Variants in CAMSAP1 observed in about 807,000 individuals in gnomAD.
CAMSAP1 encodes the protein calmodulin-regulated spectrin-associated protein 1.
Under a neutral mutation model 143.5 loss-of-function variants are expected in CAMSAP1, and 58 were observed. The observed-to-expected ratio is 0.40, with a 90% CI of 0.33 to 0.50. The LOEUF is 0.50. Ranked by LOEUF, CAMSAP1 falls within the 20% of genes least tolerant of loss-of-function variation. The pLI, the probability that CAMSAP1 is intolerant of heterozygous loss-of-function variation, is 0.45. For synonymous variants in CAMSAP1, 945 were observed against 859.3 expected, an observed-to-expected ratio of 1.10 and a Z score of -1.74; for missense variants, 1,969 against 2,115.7, an observed-to-expected ratio of 0.93 and a Z score of 1.36.
intron 7 of CAMSAP1, among the ~76,000 whole-genome samples, chr9:135,846,206 G>A (rs1420471373): frequency 6.6e-6 from 1 of 151,758 alleles, no homozygotes; most frequent in East Asian, 1.9e-4. Flanking sequence ...GAACAGAACA[G>A]AGGCCTCAGA....
chr9:135,817,904 T>G, intron 14 of CAMSAP1, 73 bp downstream of exon 14: 1 of 1,183,092 alleles, frequency 8.5e-7, no homozygotes, highest in South Asian at 1.3e-5. Flanking sequence ...TCACCGTGTT[T>G]AATCAGGAAG....
intron 3 of CAMSAP1, among the ~76,000 whole-genome samples, chr9:135,877,914 C>T (rs759094208): frequency 1.3e-5 from 2 of 152,174 alleles, no homozygotes; most frequent in Admixed American, 6.5e-5. Context: ...AACTTCAGAG[C>T]ACCCGGGAAG....
chr9:135,862,234 G>A (rs549024364), intron 5 of CAMSAP1, among the ~76,000 whole-genome samples: 5 of 150,852 alleles, frequency 3.3e-5, no homozygotes, highest in East Asian at 3.9e-4. Context: ...CCACAGGCGT[G>A]TGCCACCACA....
chr9:135,883,147 A>G, intron 1 of CAMSAP1, 69 bp from the exon 2 acceptor site: 2 of 1,501,780 alleles, frequency 1.3e-6, no homozygotes, highest in Admixed American at 2.0e-5. Flanking sequence ...TCAAGGCTGC[A>G]GTGAACTATG....
At chr9:135,830,582 G>A (rs1835825024) in intron 7 of CAMSAP1, among the ~76,000 whole-genome samples, 1 of 152,164 alleles carries the variant, frequency 6.6e-6, no homozygotes, top group African/African-American at 2.4e-5. Context: ...TACAGTAATA[G>A]CAGAAGGCTT....
chr9:135,817,751 A>AT, intron 14 of CAMSAP1: 3 of 513,392 alleles, frequency 5.8e-6, no homozygotes, highest in South Asian at 2.1e-5. Flanking sequence ...GGGGTGGGGG[A>AT]CAGGGGAGGG....
chr9:135,817,873 T>C, intron 14 of CAMSAP1, 104 bp downstream of exon 14: 2 of 844,550 alleles, frequency 2.4e-6, no homozygotes, highest in Non-Finnish European at 1.9e-6. Flanking sequence ...TATATCAAAA[T>C]TAAAGTTACA....
At chr9:135,827,669 A>G (rs1019709026) in intron 7 of CAMSAP1, 85 bp from the exon 8 acceptor site, 2 of 1,277,166 alleles carry the variant, frequency 1.6e-6, no homozygotes, top group Non-Finnish European at 2.0e-6. Flanking sequence ...ATAAGCACTA[A>G]CTCAACCTTT....
At chr9:135,897,934 T>G (rs775536698) in intron 1 of CAMSAP1, among the ~76,000 whole-genome samples, 1 of 152,148 alleles carries the variant, frequency 6.6e-6, no homozygotes, top group Admixed American at 6.6e-5. Context: ...GTCAAAGAAG[T>G]AGTTATCAAA....
intron 10 of CAMSAP1, 93 bp downstream of exon 10, chr9:135,823,857 G>T: frequency 2.1e-6 from 2 of 954,390 alleles, no homozygotes; most frequent in Non-Finnish European, 3.3e-6. Flanking sequence ...AAAGGGTCTC[G>T]GTGATCCTCA....
At chr9:135,827,869 C>T (rs1192088249) in intron 7 of CAMSAP1, among the ~76,000 whole-genome samples, 6 of 152,224 alleles carry the variant, frequency 3.9e-5, no homozygotes, top group African/African-American at 1.2e-4. Context: ...GTCTAGCACC[C>T]GCACAAAAGC....
intron 1 of CAMSAP1, among the ~76,000 whole-genome samples, chr9:135,884,029 CG>C (rs1316089207): frequency 6.6e-6 from 1 of 152,212 alleles, no homozygotes; most frequent in African/African-American, 2.4e-5. Context: ...AAGACATCAA[CG>C]GCTGTCCCAC....
intron 3 of CAMSAP1, among the ~76,000 whole-genome samples, chr9:135,874,233 G>A (rs1837658252): frequency 6.6e-6 from 1 of 152,112 alleles, no homozygotes; most frequent in Non-Finnish European, 1.5e-5. Flanking sequence ...CCAGGCGTCG[G>A]AGGCCAAGGC....
intron 1 of CAMSAP1, among the ~76,000 whole-genome samples, chr9:135,892,867 A>AAAAAAAAAAAAAAAAAAAAAAAAAG: frequency 6.8e-6 from 1 of 147,750 alleles, no homozygotes; most frequent in African/African-American, 2.5e-5. Flanking sequence ...AAAAAAAAAA[A>AAAAAAAAAAAAAAAAAAAAAAAAAG]GAACTAATCA....
At position 135,821,001 on chromosome 9, in the gene CAMSAP1, G is replaced by A. The variant is rs376072434; in HGVS notation, c.3660C>T (p.Ser1220=). The A allele has an allele frequency of 4.3e-5, 69 of 1,612,354 alleles. 1 individual carries two copies. The highest frequency in any genetic ancestry group is 3.1e-4 in the South Asian group (28 of 91,000). Residue 1220 remains serine (S), a synonymous_variant, in exon 11 of 17, where the codon AGC becomes AGT. Transcript: ENST00000389532. This position sits in a 1 kb window ranked among gnomAD's most constrained non-coding sequence, Gnocchi z 4.6. ...SSSSDVSGKE[S]VPVEEPLRSR... is the part of the protein sequence containing the mutation. ...TCCTCAGAGGCTCCTCCACGGGGACGCTCTCTTTTCCCGAGACATCTGAGG... is the reference window on the plus strand; with the variant it reads ...TCCTCAGAGGCTCCTCCACGGGGACACTCTCTTTTCCCGAGACATCTGAGG...
intron 1 of CAMSAP1, among the ~76,000 whole-genome samples, chr9:135,899,247 T>C (rs1027169393): frequency 2.6e-5 from 4 of 152,052 alleles, no homozygotes; most frequent in African/African-American, 9.7e-5. Flanking sequence ...TTAAAACATG[T>C]GTGCTTTACC....
intron 3 of CAMSAP1, among the ~76,000 whole-genome samples, chr9:135,867,463 A>C (rs1837417119): frequency 6.7e-6 from 1 of 148,220 alleles, no homozygotes. Context: ...TAGGCAACAC[A>C]GCAAGACCCC....
Position 135,821,129 on chromosome 9 carries a change from G to A in CAMSAP1, c.3532C>T (p.Arg1178Trp), listed in dbSNP as rs537634737. ...TTGGAAGAGGACAGAGTAAGTGTCC[G>A]CTGATTGCTTTCATCATGGAGCCTG... ...SYRLHDESNQ[R>W]TLTLSSSKDA... Residue 1178 changes from arginine (R) to tryptophan (W), a missense_variant, in exon 11 of 17, where the codon CGG (arginine) becomes TGG (tryptophan). Physicochemically the swap from Arg to Trp is moderately radical, Grantham distance 101. Transcript: ENST00000389532. The surrounding 1 kb of genome is among the most constrained non-coding windows in gnomAD (Gnocchi z 4.6). The A allele has an allele frequency of 1.6e-5, 26 of 1,613,160 alleles. No homozygotes were observed. Among genetic ancestry groups the A allele is most frequent in the East Asian group, 1.1e-4 (5 of 44,890 alleles).
At position 135,823,135 on chromosome 9, in the gene CAMSAP1, A is replaced by C. The variant is rs1835547106; in HGVS notation, c.1526T>G (p.Val509Gly). 1 of 1,613,596 alleles carries C rather than the reference A, an allele frequency of 6.2e-7. No individual in the cohort carries two copies. ...TGGCTGGTTCTGTGGGGTCAGATTA[A>C]CAATGTTGGATGCCAAACTGTCTTT... ...ISKDSLASNI[V>G]NLTPQNQPHP... The change falls in exon 11 of 17, where the codon GTT (valine) becomes GGT (glycine). Residue 509 changes from valine (V) to glycine (G), a missense_variant. Physicochemically the swap from Val to Gly is moderately radical, Grantham distance 109 (BLOSUM62 -3). This residue lies in a region of CAMSAP1 where 1,390 missense variants were observed against 1,420.8 expected (regional missense o/e 0.98). Transcript: ENST00000389532.
Sources: gnomAD v4.1 joint callset for allele counts (sites outside exome capture counted in the v4.1 genomes callset) on GRCh38, gnomAD v4.1.1 for gene constraint, gnomAD v4.1.1 regional missense constraint, Gnocchi (gnomAD v3.1) non-coding constraint, MANE v1.5 for transcripts, NCBI Gene and HGNC (gene_info 2026-07-23, HGNC 2026-07-21) for gene names.